Variants in MAGI1 observed in about 807,000 individuals in gnomAD.
MAGI1 encodes membrane associated guanylate kinase, WW and PDZ domain containing 1.
A neutral mutation model predicts 139.9 loss-of-function variants in MAGI1; 58 were observed. The ratio of observed to expected loss-of-function variants is 0.41; its 90% CI spans 0.34 to 0.52. The LOEUF is 0.52. Ranked by LOEUF, MAGI1 falls within the 20% of genes least tolerant of loss-of-function variation. MAGI1 has a pLI of 0.12. For synonymous variants in MAGI1, 812 were observed against 737.9 expected (o/e 1.10, Z -1.63); for missense variants, 1,874 against 1,901.6 (o/e 0.99, Z 0.27).
chr3:65,531,347 AATTAATACAGTGCATG>A (rs1332683378), intron 2 of MAGI1, among the ~76,000 whole-genome samples: 2 of 152,168 alleles, frequency 1.3e-5, no homozygotes, highest in African/African-American at 4.8e-5. Flanking sequence ...GACAGCTTAG[AATTAATACAGTGCATG>A]CCTAATACAT....
chr3:65,609,285 G>GT (rs112624177), intron 2 of MAGI1, among the ~76,000 whole-genome samples: 20,346 of 146,256 alleles, frequency 0.14, 1,821 homozygotes, highest in African/African-American at 0.26. Context: ...TCTTTTTTTT[G>GT]TTTTTTTTTT....
chr3:65,986,035 C>T (rs915856117), intron 1 of MAGI1, among the ~76,000 whole-genome samples: 6 of 152,184 alleles, frequency 3.9e-5, no homozygotes, highest in African/African-American at 1.4e-4. Flanking sequence ...GGAGAATCAG[C>T]TCAAGGGTAA....
intron 1 of MAGI1, among the ~76,000 whole-genome samples, chr3:65,888,029 C>G (rs1424032153): frequency 3.3e-5 from 5 of 152,118 alleles, no homozygotes; most frequent in African/African-American, 1.2e-4. Context: ...CATAAAGAAC[C>G]TATCACCAAA....
At chr3:65,886,597 G>A (rs1222869690) in intron 1 of MAGI1, among the ~76,000 whole-genome samples, 1 of 152,178 alleles carries the variant, frequency 6.6e-6, no homozygotes, top group Admixed American at 6.5e-5. Context: ...AGCCGTGTCT[G>A]TGAAGAGAAG....
chr3:65,616,387 C>T (rs781765671), intron 2 of MAGI1, among the ~76,000 whole-genome samples: 3 of 152,112 alleles, frequency 2.0e-5, no homozygotes, highest in Non-Finnish European at 4.4e-5. Flanking sequence ...CAACAAACAT[C>T]TGTGGTTAAA....
chr3:65,716,109 T>C (rs1363476850), intron 1 of MAGI1, among the ~76,000 whole-genome samples: 2 of 152,190 alleles, frequency 1.3e-5, no homozygotes, highest in Non-Finnish European at 2.9e-5. Context: ...CTCAAATTGT[T>C]TTAAAGGCAT....
In MAGI1 at chr3:66,038,289, T is replaced by C; in HGVS notation, c.20A>G (p.Lys7Arg). MSKVIQ[K>R]KNHWTSRVHE... Reference sequence around the variant, plus strand: ...AACCCTGCTAGTCCAGTGGTTCTTCTTCTGGATCACTTTGGACATGATGAG... The same window carrying C: ...AACCCTGCTAGTCCAGTGGTTCTTCCTCTGGATCACTTTGGACATGATGAG... The change falls in exon 1 of 23, where the codon AAG becomes AGG. Residue 7 changes from lysine (K) to arginine (R), a missense_variant. Physicochemically the swap from Lys to Arg is conservative, Grantham distance 26. Coordinates refer to ENST00000402939, the MANE Select transcript of MAGI1 (RefSeq NM_001033057.2). The C allele has an allele frequency of 1.3e-6, 2 of 1,593,056 alleles. No individual in the cohort carries two copies. The highest frequency in any genetic ancestry group is 1.7e-6 in the Non-Finnish European group (2 of 1,168,802).
At chr3:65,468,780 T>C (rs979184053) in intron 5 of MAGI1, among the ~76,000 whole-genome samples, 2 of 151,774 alleles carry the variant, frequency 1.3e-5, no homozygotes, top group African/African-American at 2.4e-5. Flanking sequence ...ATAAAACATA[T>C]GCTAAGTATG....
chr3:65,639,297 G>A (rs1159982032), intron 1 of MAGI1, among the ~76,000 whole-genome samples: 2 of 152,108 alleles, frequency 1.3e-5, no homozygotes, highest in Non-Finnish European at 2.9e-5. Context: ...GCCTTTTGAT[G>A]AGTGGAAATG....
chr3:65,401,323 C>T (rs1158875101), intron 13 of MAGI1, 116 bp downstream of exon 13: 27 of 1,302,320 alleles, frequency 2.1e-5, no homozygotes, highest in Middle Eastern at 2.6e-4. Context: ...CCTGTCTCCC[C>T]CATCCACTGT....
chr3:65,421,640 T>C (rs369129961), intron 12 of MAGI1, among the ~76,000 whole-genome samples: 1 of 152,216 alleles, frequency 6.6e-6, no homozygotes, highest in East Asian at 1.9e-4. Context: ...TTCCATTTTT[T>C]AGATTAAAGG....
At chr3:65,442,042 A>C (rs1414245711) in intron 8 of MAGI1, among the ~76,000 whole-genome samples, 3 of 147,688 alleles carry the variant, frequency 2.0e-5, no homozygotes, top group Non-Finnish European at 4.5e-5. Context: ...TTTATTAGTT[A>C]CCTCTCATTT....
chr3:65,813,144 GGAGT>G (rs996957039), intron 1 of MAGI1, among the ~76,000 whole-genome samples: 5 of 152,068 alleles, frequency 3.3e-5, no homozygotes, highest in African/African-American at 1.2e-4. Context: ...GAATCCAAAA[GGAGT>G]GAGAGGTGAA....
chr3:65,426,730 A>T (rs908130760), intron 12 of MAGI1, among the ~76,000 whole-genome samples: 1 of 152,214 alleles, frequency 6.6e-6, no homozygotes, highest in African/African-American at 2.4e-5. Flanking sequence ...AGAAACAGAT[A>T]TATTTATATG....
intron 1 of MAGI1, among the ~76,000 whole-genome samples, chr3:65,718,156 C>T (rs2032506372): frequency 6.6e-6 from 1 of 152,110 alleles, no homozygotes. Flanking sequence ...AACTGATAGG[C>T]TATGTCGTCT....
intron 1 of MAGI1, among the ~76,000 whole-genome samples, chr3:65,750,375 A>T (rs1309272203): frequency 6.6e-6 from 1 of 152,202 alleles, no homozygotes; most frequent in Admixed American, 6.5e-5. Context: ...GATGCTTCTC[A>T]AGTAGAAATG....
At chr3:65,431,055 C>G (rs1409951604) in intron 10 of MAGI1, among the ~76,000 whole-genome samples, 174 bp from the exon 11 acceptor site, 1 of 152,114 alleles carries the variant, frequency 6.6e-6, no homozygotes, top group Non-Finnish European at 1.5e-5. Flanking sequence ...TTCCTAGGCC[C>G]CAGTGTTGAT....
chr3:65,978,680 G>C (rs1313926315), intron 1 of MAGI1, among the ~76,000 whole-genome samples: 1 of 147,850 alleles, frequency 6.8e-6, no homozygotes, highest in Non-Finnish European at 1.5e-5. Flanking sequence ...CCAGGCTGGA[G>C]TGCAATGGTG....
chr3:65,981,269 C>G (rs941926459), intron 1 of MAGI1, among the ~76,000 whole-genome samples: 7 of 152,148 alleles, frequency 4.6e-5, no homozygotes, highest in Admixed American at 1.3e-4. Context: ...TTGGATAGCT[C>G]CACTGTAGAA....
Sources: allele counts gnomAD v4.1 joint callset (sites outside exome capture counted in the v4.1 genomes callset), GRCh38; gene constraint gnomAD v4.1.1; transcripts MANE v1.5; gene names NCBI Gene and HGNC (gene_info 2026-07-23, HGNC 2026-07-21).